The following MBD5 variants were observed in gnomAD, a reference collection of about 807,000 sequenced individuals.
The protein encoded by MBD5 is methyl-CpG binding domain protein 5, also known as methyl-CpG-binding domain protein 5.
In MBD5, 13 loss-of-function variants were observed where a neutral mutation model predicts 117.3. That is an observed-to-expected ratio of 0.11 (90% CI 0.07 to 0.18). The LOEUF is 0.18. Ranked by LOEUF, MBD5 falls within the 10% of genes least tolerant of loss-of-function variation. The pLI, the probability that MBD5 is intolerant of heterozygous loss-of-function variation, is 1.00. For synonymous variants in MBD5, 727 were observed against 766.4 expected (o/e 0.95, Z 0.85); for missense variants, 1,879 against 2,093.8 (o/e 0.90, Z 2.00).
chr2:148,493,619 G>A (rs992511448), intron 11 of MBD5, among the ~76,000 whole-genome samples: 1 of 152,194 alleles, frequency 6.6e-6, no homozygotes, highest in African/African-American at 2.4e-5. Context: ...CAAGGGCTGA[G>A]ACCTCCCCAT....
At chr2:148,095,855 C>A (rs1208599091) in intron 1 of MBD5, among the ~76,000 whole-genome samples, 1 of 151,676 alleles carries the variant, frequency 6.6e-6, no homozygotes. Context: ...AGCTATAAAG[C>A]CACCTTAAAC....
intron 4 of MBD5, among the ~76,000 whole-genome samples, chr2:148,417,821 C>T (rs775644511): frequency 1.3e-4 from 20 of 149,538 alleles, no homozygotes; most frequent in South Asian, 4.2e-4. Flanking sequence ...TTTTTTTGTG[C>T]GGGGGGGTGT....
intron 3 of MBD5, among the ~76,000 whole-genome samples, chr2:148,333,215 C>T (rs1360375520): frequency 6.6e-6 from 1 of 152,104 alleles, no homozygotes; most frequent in African/African-American, 2.4e-5. Flanking sequence ...TAAGGGCTTT[C>T]CTCAGAAGTC....
intron 4 of MBD5, among the ~76,000 whole-genome samples, chr2:148,380,729 C>T (rs573222171): frequency 2.0e-4 from 31 of 152,222 alleles, no homozygotes; most frequent in South Asian, 1.2e-3. Context: ...CCAGTAGGGG[C>T]GGACTGACAC....
chr2:148,292,589 A>C lies in MBD5; in HGVS notation c.-679-49625A>C, dbSNP rs191418623. On this transcript the variant is annotated intron_variant, in intron 3 of 13. Coordinates refer to ENST00000642680, the MANE Select transcript of MBD5 (RefSeq NM_001378120.1). ...ATAACAAATGCTAGCTAGGATGTGG[A>C]AAAAAGGGAACCCTCCTACAATGTT... 2.3e-3 allele frequency among the ~76,000 whole-genome samples: 353 copies of C among 152,318 alleles called. 1 individual carries two copies. The highest frequency in any genetic ancestry group is 7.9e-3 in the African/African-American group (328 of 41,570).
At chr2:148,401,414 T>G (rs1040848337) in intron 4 of MBD5, among the ~76,000 whole-genome samples, 5 of 152,126 alleles carry the variant, frequency 3.3e-5, no homozygotes, top group East Asian at 3.8e-4. Flanking sequence ...TCTATCTTTA[T>G]AGTTCTTCAA....
intron 1 of MBD5, among the ~76,000 whole-genome samples, chr2:148,085,166 G>C (rs1289720160): frequency 1.3e-5 from 2 of 152,170 alleles, no homozygotes; most frequent in Admixed American, 6.5e-5. Flanking sequence ...AGTTTTGCTT[G>C]AGTGAGAGGA....
intron 3 of MBD5, among the ~76,000 whole-genome samples, chr2:148,234,448 T>G (rs759164640): frequency 3.2e-4 from 48 of 152,308 alleles, no homozygotes; most frequent in Admixed American, 1.4e-3. Flanking sequence ...AATTAATTCT[T>G]GCTTTTCTGT....
rs1395912880 is a variant in MBD5, at chr2:148,490,547, G to A, written c.4915G>A (p.Glu1639Lys). 1 of 1,614,072 alleles carries A rather than the reference G, an allele frequency of 6.2e-7. No homozygotes were observed. Among genetic ancestry groups the A allele is most frequent in the Non-Finnish European group, 8.5e-7 (1 of 1,180,034 alleles). ...TTCCTGGCCTGGAAAATTAGTAAGA[G>A]AAGACGACGTTCACAATTCATGTCA... Reference protein sequence around the residue: ...LTSWPGKLVREDDVHNSCQQS... With the variant: ...LTSWPGKLVRKDDVHNSCQQS... The change falls in exon 11 of 14, where the codon GAA becomes AAA. Residue 1639 changes from glutamate to lysine, a missense_variant. Physicochemically the swap from Glu to Lys is moderately conservative, Grantham distance 56. Transcript: ENST00000642680.
At chr2:148,042,244 G>C (rs541812280) in intron 1 of MBD5, among the ~76,000 whole-genome samples, 4 of 152,278 alleles carry the variant, frequency 2.6e-5, no homozygotes, top group Non-Finnish European at 4.4e-5. Flanking sequence ...CTTACACTAA[G>C]AGTTCAGTGA....
intron 3 of MBD5, among the ~76,000 whole-genome samples, chr2:148,269,116 C>T (rs2106333560): frequency 6.6e-6 from 1 of 151,960 alleles, no homozygotes; most frequent in East Asian, 1.9e-4. Flanking sequence ...TGAAATATCA[C>T]TAGAATCATT....
intron 3 of MBD5, chr2:148,264,097 AT>A (rs1276706713): frequency 1.3e-5 from 2 of 152,232 alleles, no homozygotes; most frequent in Non-Finnish European, 2.9e-5. Flanking sequence ...GATGTGGACC[AT>A]GAAATACCAG....
intron 3 of MBD5, among the ~76,000 whole-genome samples, chr2:148,328,217 T>A (rs1167147024): frequency 6.6e-6 from 1 of 152,218 alleles, no homozygotes; most frequent in East Asian, 1.9e-4. Flanking sequence ...TCCAGCTGCG[T>A]ACTGGGAGGA....
chr2:148,132,050 C>T (rs1697061102), intron 1 of MBD5, among the ~76,000 whole-genome samples: 1 of 152,058 alleles, frequency 6.6e-6, no homozygotes, highest in Admixed American at 6.6e-5. Context: ...TGCAATTCTG[C>T]TCATGTGACC....
chr2:148,055,619 A>C (rs2105789034), intron 1 of MBD5: 1 of 152,236 alleles, frequency 6.6e-6, no homozygotes, highest in South Asian at 2.1e-4. Flanking sequence ...TTTTTAGTAG[A>C]GATGGGGTTT....
At position 148,253,103 on chromosome 2, in the gene MBD5, TA is replaced by T. The variant is rs60945561; in HGVS notation, c.-680+19714del. 5.6e-3 allele frequency among the ~76,000 whole-genome samples: 852 copies of T among 152,070 alleles called. 10 individuals are homozygous for T. The highest frequency in any genetic ancestry group is 0.02 in the African/African-American group (824 of 41,492). On this transcript the variant is annotated intron_variant, in intron 3 of 13. Transcript: ENST00000642680. ...CAGTAAAAATTGGCTTAGATCTAAG[TA>T]AAAAAGATTCACCTAATGGCCTGGT... is the stretch of plus-strand genomic sequence containing the variant.
chr2:148,195,035 C>G (rs1022734924), intron 2 of MBD5, among the ~76,000 whole-genome samples: 1 of 152,158 alleles, frequency 6.6e-6, no homozygotes, highest in Admixed American at 6.5e-5. Flanking sequence ...CTACTCAACT[C>G]TCTTATCAGA....
At chr2:148,161,709 T>A (rs1451919523) in intron 1 of MBD5, among the ~76,000 whole-genome samples, 1 of 152,146 alleles carries the variant, frequency 6.6e-6, no homozygotes, top group East Asian at 1.9e-4. Context: ...ACTGTAAGGA[T>A]TATTTCTTGA....
chr2:148,305,578 G>T (rs1473408924), intron 3 of MBD5, among the ~76,000 whole-genome samples: 2 of 152,206 alleles, frequency 1.3e-5, no homozygotes, highest in Non-Finnish European at 2.9e-5. Context: ...GTTTGAATGT[G>T]TTTAGCGATG....
Sources: allele counts gnomAD v4.1 joint callset (sites outside exome capture counted in the v4.1 genomes callset), GRCh38; gene constraint gnomAD v4.1.1; transcripts MANE v1.5; gene names NCBI Gene and HGNC (gene_info 2026-07-23, HGNC 2026-07-21).